Variants in CCDC12 observed in about 807,000 individuals in gnomAD.
CCDC12 encodes the protein coiled-coil domain containing 12, also known as coiled-coil domain-containing protein 12.
A neutral mutation model predicts 25.7 loss-of-function variants in CCDC12; 28 were observed. That is an observed-to-expected ratio of 1.09 (90% CI 0.81 to 1.50). The LOEUF is 1.50. Among genes scored for constraint, CCDC12 ranks in the 40% most tolerant of loss-of-function variants. The pLI, the probability that CCDC12 is intolerant of heterozygous loss-of-function variation, is 0.00. For missense variants in CCDC12, 198 were observed against 210.0 expected (o/e 0.94, Z 0.35); for synonymous variants, 75 against 87.7 (o/e 0.86, Z 0.81).
At chr3:46,935,717 A>G (rs1267637454) in intron 2 of CCDC12, among the ~76,000 whole-genome samples, 2 of 152,078 alleles carry the variant, frequency 1.3e-5, no homozygotes, top group Non-Finnish European at 2.9e-5. Context: ...CCAGAGAAGT[A>G]GGGCCCATCT....
At chr3:46,925,252 G>A (rs2032896112) in intron 3 of CCDC12, 2 of 700,978 alleles carry the variant, frequency 2.9e-6, no homozygotes, top group East Asian at 2.7e-5. Flanking sequence ...GAAGGCACAA[G>A]AGGACTCTTC....
chr3:46,975,157 A>G (rs185855920), intron 1 of CCDC12, among the ~76,000 whole-genome samples: 2 of 152,296 alleles, frequency 1.3e-5, no homozygotes, highest in East Asian at 3.9e-4. Flanking sequence ...CCCATCCCCA[A>G]AGAAAGAACT....
At chr3:46,942,676 A>C (rs1048002134) in intron 1 of CCDC12, among the ~76,000 whole-genome samples, 7 of 152,336 alleles carry the variant, frequency 4.6e-5, no homozygotes, top group Middle Eastern at 6.8e-3. Flanking sequence ...GGCTTCTGTC[A>C]TGAGAACAGA....
At chr3:46,948,545 CAA>C (rs547187924) in intron 1 of CCDC12, among the ~76,000 whole-genome samples, 4 of 152,274 alleles carry the variant, frequency 2.6e-5, no homozygotes, top group African/African-American at 9.6e-5. Flanking sequence ...ACTTAGGGGA[CAA>C]AGAGAAAGGG....
At chr3:46,925,087 C>T (rs1210529387) in intron 3 of CCDC12, 1 of 393,638 alleles carries the variant, frequency 2.5e-6, no homozygotes, top group African/African-American at 2.1e-5. Flanking sequence ...TCTGACCCAC[C>T]CAGGGCCCAC....
intron 1 of CCDC12, among the ~76,000 whole-genome samples, chr3:46,958,247 CAAGAT>C (rs2034358900): frequency 6.6e-6 from 1 of 152,094 alleles, no homozygotes; most frequent in South Asian, 2.1e-4. Context: ...TAGCAGGAGA[CAAGAT>C]AAGGGTAATC....
At chr3:46,965,556 CAT>C (rs1178708435) in intron 1 of CCDC12, among the ~76,000 whole-genome samples, 1 of 152,200 alleles carries the variant, frequency 6.6e-6, no homozygotes, top group Non-Finnish European at 1.5e-5. Flanking sequence ...TTCTCCCCAG[CAT>C]ATCAGACCAA....
intron 1 of CCDC12, among the ~76,000 whole-genome samples, chr3:46,974,306 C>T (rs906454038): frequency 4.6e-5 from 7 of 152,086 alleles, no homozygotes; most frequent in Non-Finnish European, 1.0e-4. Flanking sequence ...GTGTATTTTC[C>T]CACAATTTTA....
chr3:46,975,516 TAAATC>T (rs1405547387), intron 1 of CCDC12, among the ~76,000 whole-genome samples: 2 of 141,382 alleles, frequency 1.4e-5, no homozygotes, highest in Admixed American at 1.5e-4. Context: ...TAGTTAGAAA[TAAATC>T]TTTTCTTTTT....
chr3:46,925,074 G>A, intron 3 of CCDC12: 1 of 379,110 alleles, frequency 2.6e-6, no homozygotes, highest in South Asian at 2.0e-5. Context: ...ACTGGCCCCT[G>A]TCTCTGACCC....
chr3:46,938,634 T>C (rs904633826), intron 2 of CCDC12, among the ~76,000 whole-genome samples: 3 of 147,822 alleles, frequency 2.0e-5, no homozygotes, highest in Admixed American at 6.9e-5. Flanking sequence ...GTGGACTGCC[T>C]GAGCTCAGGA....
intron 1 of CCDC12, among the ~76,000 whole-genome samples, chr3:46,959,670 A>AATCC (rs972439079): frequency 2.0e-4 from 30 of 152,316 alleles, no homozygotes; most frequent in African/African-American, 6.7e-4. Context: ...AGAGAATATG[A>AATCC]ATCCAAGTCA....
chr3:46,935,825 G>A (rs1284596548), intron 2 of CCDC12, among the ~76,000 whole-genome samples: 1 of 152,194 alleles, frequency 6.6e-6, no homozygotes, highest in Non-Finnish European at 1.5e-5. Flanking sequence ...ATGGGGATAG[G>A]ACAGGATTTA....
At chr3:46,933,357 G>A (rs1179615129) in intron 2 of CCDC12, among the ~76,000 whole-genome samples, 1 of 152,232 alleles carries the variant, frequency 6.6e-6, no homozygotes, top group African/African-American at 2.4e-5. Flanking sequence ...AGAAGCCAGA[G>A]CTGGCTGGGG....
intron 1 of CCDC12, among the ~76,000 whole-genome samples, chr3:46,972,341 G>A (rs1389056573): frequency 2.0e-5 from 3 of 152,014 alleles, no homozygotes; most frequent in African/African-American, 4.8e-5. Context: ...ACACTACTAA[G>A]AGAATGAAAA....
intron 2 of CCDC12, among the ~76,000 whole-genome samples, chr3:46,930,211 G>C (rs538330205): frequency 1.3e-5 from 2 of 152,152 alleles, no homozygotes; most frequent in East Asian, 1.9e-4. Context: ...ATTTTCTGTA[G>C]TTTCCGGAAT....
chr3:46,957,776 T>C (rs1439184491), intron 1 of CCDC12, among the ~76,000 whole-genome samples: 1 of 151,668 alleles, frequency 6.6e-6, no homozygotes, highest in African/African-American at 2.4e-5. Flanking sequence ...ACACTGTCTC[T>C]ACTAAAAATA....
intron 2 of CCDC12, 134 bp from the exon 3 acceptor site, chr3:46,925,669 G>A: frequency 2.6e-6 from 2 of 777,964 alleles, no homozygotes; most frequent in South Asian, 1.9e-5. Flanking sequence ...TGGTAAGGAG[G>A]AGAAGCACAG....
chr3:46,973,877 G>C (rs915269360), intron 1 of CCDC12, among the ~76,000 whole-genome samples: 4 of 152,118 alleles, frequency 2.6e-5, no homozygotes, highest in African/African-American at 9.7e-5. Flanking sequence ...TTCCCAAAGT[G>C]CTGGGATTAC....
Sources: gnomAD v4.1 joint callset for allele counts (sites outside exome capture counted in the v4.1 genomes callset) on GRCh38, gnomAD v4.1.1 for gene constraint, MANE v1.5 for transcripts, NCBI Gene and HGNC (gene_info 2026-07-23, HGNC 2026-07-21) for gene names.